The following RNF150 variants were observed in gnomAD, a reference collection of about 807,000 sequenced individuals.
RNF150 encodes the protein ring finger protein 150.
Under a neutral mutation model 39.3 loss-of-function variants are expected in RNF150, and 24 were observed. The ratio of observed to expected loss-of-function variants is 0.61; its 90% CI spans 0.44 to 0.86. The LOEUF (loss-of-function observed/expected upper bound fraction) is 0.86, where lower values mean the gene tolerates loss of function less well. Ranked by LOEUF, RNF150 falls within the 40% of genes least tolerant of loss-of-function variation. The pLI is 0.00. For missense variants in RNF150, 502 were observed against 587.8 expected (o/e 0.85, Z 1.51); for synonymous variants, 255 against 227.3 (o/e 1.12, Z -1.10).
intron 4 of RNF150, among the ~76,000 whole-genome samples, chr4:140,931,696 TACA>T (rs1731643511): frequency 6.6e-6 from 1 of 152,174 alleles, no homozygotes; most frequent in Admixed American, 6.5e-5. Context: ...AAATTGGAAA[TACA>T]ACAAAGAGTT....
chr4:141,089,797 G>A (rs1421833280), intron 1 of RNF150, among the ~76,000 whole-genome samples: 2 of 152,080 alleles, frequency 1.3e-5, no homozygotes, highest in Non-Finnish European at 2.9e-5. Flanking sequence ...TTGTCTTCTT[G>A]TCAAACTCTT....
chr4:141,052,516 T>C (rs186816373), intron 1 of RNF150, among the ~76,000 whole-genome samples: 248 of 152,130 alleles, frequency 1.6e-3, no homozygotes, highest in African/African-American at 5.6e-3. Flanking sequence ...GCTAGGACTA[T>C]AGGCATGCGC....
At chr4:140,910,281 G>GAGAA (rs1055098146) in intron 6 of RNF150, among the ~76,000 whole-genome samples, 1 of 152,094 alleles carries the variant, frequency 6.6e-6, no homozygotes, top group Admixed American at 6.5e-5. Context: ...CTTCTGTCAA[G>GAGAA]AGAAAGAAAG....
chr4:141,186,053 G>C (rs1728002318), intron 1 of RNF150, among the ~76,000 whole-genome samples: 2 of 152,312 alleles, frequency 1.3e-5, no homozygotes, highest in African/African-American at 2.4e-5. Context: ...CATAAAATGA[G>C]TTAGGGAGGA....
chr4:141,060,221 G>A (rs1472684653), intron 1 of RNF150, among the ~76,000 whole-genome samples: 1 of 152,188 alleles, frequency 6.6e-6, no homozygotes, highest in Non-Finnish European at 1.5e-5. Flanking sequence ...AGGGAGGAGT[G>A]TTTGAGCCCA....
At chr4:141,029,686 T>C (rs1439793774) in intron 1 of RNF150, among the ~76,000 whole-genome samples, 1 of 152,138 alleles carries the variant, frequency 6.6e-6, no homozygotes, top group Non-Finnish European at 1.5e-5. Flanking sequence ...TTACAAATTA[T>C]GGAATCAAAT....
chr4:141,070,038 GT>G (rs540209001), intron 1 of RNF150, among the ~76,000 whole-genome samples: 1 of 151,964 alleles, frequency 6.6e-6, no homozygotes, highest in Non-Finnish European at 1.5e-5. Context: ...TTTTTGAAGG[GT>G]TTTTTGTGTC....
At chr4:141,140,899 C>T (rs1727108128) in intron 1 of RNF150, among the ~76,000 whole-genome samples, 1 of 152,168 alleles carries the variant, frequency 6.6e-6, no homozygotes, top group Non-Finnish European at 1.5e-5. Flanking sequence ...AGGGAGACAG[C>T]GGTAGCACTG....
At chr4:140,930,646 G>A (rs138084910) in intron 4 of RNF150, among the ~76,000 whole-genome samples, 41 of 152,276 alleles carry the variant, frequency 2.7e-4, no homozygotes, top group Middle Eastern at 3.4e-3. Flanking sequence ...TTCTCTCAGC[G>A]TGGCTCCCTC....
At chr4:141,202,622 T>C (rs1728308158) in intron 1 of RNF150, among the ~76,000 whole-genome samples, 2 of 152,100 alleles carry the variant, frequency 1.3e-5, no homozygotes, top group South Asian at 4.1e-4. Context: ...TAAAAGCCTT[T>C]TGGACTTTTG....
chr4:140,951,552 T>A (rs1732539728), intron 2 of RNF150, among the ~76,000 whole-genome samples: 1 of 6,240 alleles, frequency 1.6e-4, no homozygotes. Flanking sequence ...GTTGTTGTTG[T>A]TTTTTTTTTT....
At chr4:141,042,082 T>C (rs935644258) in intron 1 of RNF150, among the ~76,000 whole-genome samples, 5 of 152,054 alleles carry the variant, frequency 3.3e-5, no homozygotes, top group African/African-American at 1.2e-4. Context: ...CAGTAAAAAT[T>C]AAACATGTAT....
At chr4:141,039,637 C>A (rs1736283595) in intron 1 of RNF150, among the ~76,000 whole-genome samples, 1 of 152,050 alleles carries the variant, frequency 6.6e-6, no homozygotes, top group East Asian at 1.9e-4. Context: ...GTGGTTGATT[C>A]CCTATTTTAA....
At chr4:141,073,013 A>G (rs1737762813) in intron 1 of RNF150, among the ~76,000 whole-genome samples, 1 of 152,092 alleles carries the variant, frequency 6.6e-6, no homozygotes, top group Admixed American at 6.6e-5. Context: ...TAGAGGAAGT[A>G]CCCACACAAG....
chr4:141,017,461 AATGTGGTAC>A (rs1240787730), intron 1 of RNF150, among the ~76,000 whole-genome samples: 4 of 152,184 alleles, frequency 2.6e-5, no homozygotes, highest in Non-Finnish European at 5.9e-5. Context: ...ATCCCATATT[AATGTGGTAC>A]ATTTGCTACA....
chr4:141,106,774 A>G (rs1156995828), intron 1 of RNF150, among the ~76,000 whole-genome samples: 2 of 152,118 alleles, frequency 1.3e-5, no homozygotes, highest in African/African-American at 4.8e-5. Flanking sequence ...AGTGTGGGTG[A>G]AAAGAGCGAA....
chr4:140,918,986 C>G (rs913389931), intron 5 of RNF150, among the ~76,000 whole-genome samples: 2 of 152,030 alleles, frequency 1.3e-5, no homozygotes, highest in African/African-American at 4.8e-5. Context: ...AATTCAACAA[C>G]CATTCATGCT....
intron 1 of RNF150, among the ~76,000 whole-genome samples, chr4:141,015,204 C>T (rs1344932700): frequency 1.3e-5 from 2 of 152,038 alleles, no homozygotes; most frequent in Non-Finnish European, 2.9e-5. Flanking sequence ...TAGTATCGTG[C>T]AGTTTGATTA....
At chr4:140,916,096 A>C (rs1309001029) in intron 5 of RNF150, among the ~76,000 whole-genome samples, 1 of 152,228 alleles carries the variant, frequency 6.6e-6, no homozygotes, top group African/African-American at 2.4e-5. Flanking sequence ...AGATGGGGAA[A>C]AAACGGAGCA....
Sources: allele counts gnomAD v4.1 joint callset (sites outside exome capture counted in the v4.1 genomes callset), GRCh38; gene constraint gnomAD v4.1.1; transcripts MANE v1.5; gene names NCBI Gene and HGNC (gene_info 2026-07-23, HGNC 2026-07-21).